CHN2: variants seen among roughly 807,000 people sequenced by gnomAD.
CHN2 encodes beta-chimaerin.
Under a neutral mutation model 56.3 loss-of-function variants are expected in CHN2, and 35 were observed. The ratio of observed to expected loss-of-function variants is 0.62; its 90% CI spans 0.47 to 0.82. The LOEUF (loss-of-function observed/expected upper bound fraction) is 0.82, where lower values mean the gene tolerates loss of function less well. CHN2 is among the 40% of genes least tolerant of loss of function. The pLI is 0.00. For synonymous variants in CHN2, 210 were observed against 212.8 expected (o/e 0.99, Z 0.12); for missense variants, 491 against 580.5 (o/e 0.85, Z 1.58).
chr7:29,295,859 A>T lies in CHN2; in HGVS notation c.50-58766A>T, dbSNP rs1021028248. Among the ~76,000 whole-genome samples the T allele has an allele frequency of 5.9e-5, 9 of 152,318 alleles. No individual in the cohort carries two copies. In the East Asian group the frequency reaches 1.2e-3, roughly 20 times the overall value. The stretch of plus-strand genomic sequence containing the variant: ...CTTTGCCAGCAGAGGGGATTAGGCA[A>T]ATTGGCAAAGGGTCTTGAGCCAGCA... On this transcript the variant is annotated intron_variant, in intron 1 of 12. Transcript: ENST00000222792.
intron 6 of CHN2, among the ~76,000 whole-genome samples, chr7:29,466,320 G>A (rs1248602698): frequency 2.6e-5 from 4 of 152,194 alleles, no homozygotes; most frequent in Non-Finnish European, 5.9e-5. Flanking sequence ...TTTTCTGGGT[G>A]TAGATAAATT....
intron 1 of CHN2, among the ~76,000 whole-genome samples, chr7:29,235,415 C>T (rs1213234915): frequency 6.6e-6 from 1 of 152,172 alleles, no homozygotes; most frequent in Admixed American, 6.5e-5. Context: ...GAAAAGGGAA[C>T]ACATACACTG....
intron 6 of CHN2, among the ~76,000 whole-genome samples, chr7:29,453,802 A>T (rs1288223702): frequency 6.6e-6 from 1 of 152,178 alleles, no homozygotes; most frequent in African/African-American, 2.4e-5. Context: ...ATTCCATTTT[A>T]AAAGATTCAC....
chr7:29,378,501 C>T (rs1031232385), intron 3 of CHN2, among the ~76,000 whole-genome samples: 18 of 152,276 alleles, frequency 1.2e-4, no homozygotes, highest in South Asian at 2.1e-4. Context: ...TTTATTAGAA[C>T]GCAGCAGTAC....
chr7:29,504,849 C>T (rs1028567754), intron 10 of CHN2, 28 bp downstream of exon 10: 15 of 1,495,706 alleles, frequency 1.0e-5, no homozygotes, highest in Non-Finnish European at 1.4e-5. Context: ...TGAATGCCAT[C>T]TGACATCCTA....
chr7:29,177,890 A>T (rs1283529442), intron 2 of CHN2, among the ~76,000 whole-genome samples: 3 of 152,158 alleles, frequency 2.0e-5, no homozygotes, highest in African/African-American at 7.2e-5. Flanking sequence ...GACATTTCAT[A>T]GGTGCCTCAA....
At chr7:29,204,102 T>C (rs964543709) in intron 1 of CHN2, among the ~76,000 whole-genome samples, 6 of 151,536 alleles carry the variant, frequency 4.0e-5, no homozygotes, top group Admixed American at 3.3e-4. Flanking sequence ...TGTGTGTGTG[T>C]GTGTGTGTGT....
intron 2 of CHN2, among the ~76,000 whole-genome samples, chr7:29,173,313 C>T (rs1796855464): frequency 6.6e-6 from 1 of 152,026 alleles, no homozygotes; most frequent in Non-Finnish European, 1.5e-5. Context: ...CTGGTAGCCT[C>T]GAGTGGGGGC....
chr7:29,420,575 A>G (rs1292498093), intron 6 of CHN2, among the ~76,000 whole-genome samples: 1 of 152,236 alleles, frequency 6.6e-6, no homozygotes, highest in Non-Finnish European at 1.5e-5. Context: ...CTGTCTTAAT[A>G]TGAGGTATCT....
chr7:29,456,790 G>C (rs932343337), intron 6 of CHN2, among the ~76,000 whole-genome samples: 1 of 152,092 alleles, frequency 6.6e-6, no homozygotes, highest in Non-Finnish European at 1.5e-5. Flanking sequence ...AGGAATGCAG[G>C]CATTTAGGGC....
intron 6 of CHN2, among the ~76,000 whole-genome samples, chr7:29,410,121 A>AT (rs1431855653): frequency 1.3e-5 from 2 of 152,178 alleles, no homozygotes; most frequent in Non-Finnish European, 2.9e-5. Context: ...GGGGTTGTTG[A>AT]ATGTTTTTAA....
At chr7:29,179,057 CTT>C (rs934571835) in intron 2 of CHN2, among the ~76,000 whole-genome samples, 25 of 152,196 alleles carry the variant, frequency 1.6e-4, no homozygotes, top group African/African-American at 5.3e-4. Context: ...CAGCATCTCT[CTT>C]GGTGTCAGAA....
chr7:29,465,018 T>C (rs991827075), intron 6 of CHN2, among the ~76,000 whole-genome samples: 1 of 152,208 alleles, frequency 6.6e-6, no homozygotes, highest in African/African-American at 2.4e-5. Context: ...TTCATTCTGT[T>C]TGTTTTTATA....
intron 1 of CHN2, among the ~76,000 whole-genome samples, chr7:29,343,672 C>T (rs1797214042): frequency 6.6e-6 from 1 of 152,036 alleles, no homozygotes; most frequent in African/African-American, 2.4e-5. Context: ...GGGTTTCTCT[C>T]CTATCGCTCT....
intron 3 of CHN2, among the ~76,000 whole-genome samples, chr7:29,387,555 G>C (rs1264513979): frequency 6.6e-6 from 1 of 152,164 alleles, no homozygotes; most frequent in Non-Finnish European, 1.5e-5. Flanking sequence ...ATGTATCTAT[G>C]AATCCCCTTA....
chr7:29,308,454 G>A (rs538016206), intron 1 of CHN2, among the ~76,000 whole-genome samples: 1 of 61,238 alleles, frequency 1.6e-5, no homozygotes, highest in South Asian at 4.2e-4. Context: ...ACAGTGCAAG[G>A]TGGTTGGGGT....
At chr7:29,334,636 G>C (rs557563796) in intron 1 of CHN2, 1 of 152,270 alleles carries the variant, frequency 6.6e-6, no homozygotes, top group African/African-American at 2.4e-5. Context: ...TGCACCTGTG[G>C]TTCTAGCTAC....
At chr7:29,268,264 TCATC>T (rs1199447098) in intron 1 of CHN2, among the ~76,000 whole-genome samples, 1 of 120,062 alleles carries the variant, frequency 8.3e-6, no homozygotes, top group Non-Finnish European at 1.7e-5. Context: ...AAAATGTCCT[TCATC>T]CACGGCTTCA....
At chr7:29,467,306 ACTGT>A (rs763435152) in intron 6 of CHN2, among the ~76,000 whole-genome samples, 2 of 152,192 alleles carry the variant, frequency 1.3e-5, no homozygotes, top group Non-Finnish European at 2.9e-5. Context: ...AACAGAGTAC[ACTGT>A]CTGGCAATTT....
Sources: allele counts gnomAD v4.1 joint callset (sites outside exome capture counted in the v4.1 genomes callset), GRCh38; gene constraint gnomAD v4.1.1; transcripts MANE v1.5; gene names NCBI Gene and HGNC (gene_info 2026-07-23, HGNC 2026-07-21).